Variants in ANKRD30B observed in about 807,000 individuals in gnomAD.
ANKRD30B encodes the protein ankyrin repeat domain-containing protein 30B.
A neutral mutation model predicts 202.2 loss-of-function variants in ANKRD30B; 144 were observed. That is an observed-to-expected ratio of 0.71 (90% CI 0.62 to 0.82). The LOEUF (loss-of-function observed/expected upper bound fraction) is 0.82. ANKRD30B is among the 40% of genes least tolerant of loss of function. The pLI is 0.00. For missense variants in ANKRD30B, 1,487 were observed against 1,669.1 expected, an observed-to-expected ratio of 0.89 and a Z score of 1.90; for synonymous variants, 508 against 561.3, an observed-to-expected ratio of 0.91 and a Z score of 1.34.
intron 3 of ANKRD30B, 122 bp downstream of exon 3, chr18:14,753,134 C>A: frequency 1.3e-6 from 1 of 763,888 alleles, no homozygotes; most frequent in Non-Finnish European, 1.9e-6. Context: ...TTTGAAAGAA[C>A]TTAATTATCT....
chr18:14,798,430 T>C (rs1969072477), intron 20 of ANKRD30B, among the ~76,000 whole-genome samples: 1 of 152,058 alleles, frequency 6.6e-6, no homozygotes, highest in African/African-American at 2.4e-5. Flanking sequence ...AGAAACACAG[T>C]CTTTCCATAA....
chr18:14,751,725 A>G (rs1473771214), intron 1 of ANKRD30B, among the ~76,000 whole-genome samples: 1 of 152,142 alleles, frequency 6.6e-6, no homozygotes, highest in Non-Finnish European at 1.5e-5. Context: ...AAGTTTTTAA[A>G]ATCTTGAGGA....
chr18:14,764,068 A>G lies in ANKRD30B; in HGVS notation c.1203A>G (p.Thr401=), dbSNP rs1350517257. 3.3e-6 allele frequency: 5 copies of G among 1,536,512 alleles called. No homozygotes were observed. The highest frequency in any genetic ancestry group is 4.4e-6 in the Non-Finnish European group (5 of 1,148,378). Residue 401 remains threonine (T), a synonymous_variant, in exon 7 of 44, where the codon ACA becomes ACG. Coordinates refer to ENST00000690538, the MANE Select transcript of ANKRD30B (RefSeq NM_001367607.2). ...TGATTGCATGTCCTACAAAAGAAAC[A>G]TCTACAAAAGCAAGTACAAATGGTA... The part of the protein sequence containing the change: ...SNMIACPTKE[T]STKASTNVDV...
At chr18:14,798,755 G>A (rs559648188) in intron 20 of ANKRD30B, among the ~76,000 whole-genome samples, 2 of 152,108 alleles carry the variant, frequency 1.3e-5, no homozygotes, top group Non-Finnish European at 2.9e-5. Context: ...AAACCTCCCT[G>A]ACGGCACATC....
At chr18:14,793,647 C>T (rs1968673946) in intron 16 of ANKRD30B, among the ~76,000 whole-genome samples, 1 of 152,088 alleles carries the variant, frequency 6.6e-6, no homozygotes, top group Admixed American at 6.5e-5. Context: ...GTAATCCCAG[C>T]ACTTTGGGAG....
chr18:14,847,072 A>C (rs1313134149), intron 39 of ANKRD30B, among the ~76,000 whole-genome samples: 1 of 34,130 alleles, frequency 2.9e-5, no homozygotes, highest in African/African-American at 9.9e-5. Flanking sequence ...ATATATATAT[A>C]TATATATATA....
rs556050170 is a variant in ANKRD30B, at chr18:14,789,004, C to G, written c.1734+1904C>G. On this transcript the variant is annotated intron_variant, in intron 15 of 43. Transcript: ENST00000690538. ...CACAATGGTTGAACTAGTTTACAGT[C>G]CCACCAACAGTGTAAAAGTGTTCCT... 5.3e-5 allele frequency among the ~76,000 whole-genome samples: 8 copies of G among 151,976 alleles called. No individual in the cohort carries two copies. The East Asian group carries it at 1.6e-3, about 30-fold the overall frequency.
the ANKRD30B span, among the ~76,000 whole-genome samples, chr18:14,907,416 G>A: frequency 6.6e-6 from 1 of 152,192 alleles, no homozygotes; most frequent in South Asian, 2.1e-4. Flanking sequence ...AAGAAAGTGG[G>A]TCTGAGATTG....
chr18:14,853,184 T>C (rs2143282748), intron 42 of ANKRD30B, among the ~76,000 whole-genome samples: 1 of 152,174 alleles, frequency 6.6e-6, no homozygotes, highest in African/African-American at 2.4e-5. Context: ...AAAACTATCA[T>C]GTGGATAGAA....
chr18:14,760,868 A>G (rs1169881846), intron 6 of ANKRD30B, among the ~76,000 whole-genome samples: 1 of 152,128 alleles, frequency 6.6e-6, no homozygotes, highest in Non-Finnish European at 1.5e-5. Flanking sequence ...CTGAAAAAAT[A>G]TTTAATTATG....
intron 40 of ANKRD30B, among the ~76,000 whole-genome samples, chr18:14,849,220 A>G (rs1971783863): frequency 6.6e-6 from 1 of 151,918 alleles, no homozygotes; most frequent in African/African-American, 2.4e-5. Context: ...TTGTATTATA[A>G]ATGCTACAAG....
At chr18:14,749,986 A>G (rs1913170120) in intron 1 of ANKRD30B, among the ~76,000 whole-genome samples, 1 of 152,064 alleles carries the variant, frequency 6.6e-6, no homozygotes, top group Non-Finnish European at 1.5e-5. Context: ...TAATATACAA[A>G]AAGATAAAAA....
chr18:14,823,622 C>G (rs1273970808), intron 32 of ANKRD30B, among the ~76,000 whole-genome samples: 1 of 152,030 alleles, frequency 6.6e-6, no homozygotes, highest in East Asian at 1.9e-4. Context: ...AATTAATTGC[C>G]TAGAGGTACA....
intron 14 of ANKRD30B, among the ~76,000 whole-genome samples, chr18:14,784,865 A>T (rs1171373036): frequency 2.6e-5 from 4 of 152,182 alleles, no homozygotes; most frequent in African/African-American, 9.6e-5. Flanking sequence ...TTGAAGCTTG[A>T]TTCAGATTCC....
chr18:14,840,538 A>T (rs1971373658), intron 36 of ANKRD30B, 50 bp from the exon 37 acceptor site: 2 of 1,044,822 alleles, frequency 1.9e-6, no homozygotes, highest in Non-Finnish European at 2.5e-6. Flanking sequence ...GAAAAACAAA[A>T]TTAAAAAATA....
the ANKRD30B span, among the ~76,000 whole-genome samples, chr18:14,939,144 T>G: frequency 6.6e-6 from 1 of 152,236 alleles, no homozygotes; most frequent in Non-Finnish European, 1.5e-5. Context: ...GGTTCTGTGC[T>G]TTGCCCAAGT....
In ANKRD30B at chr18:14,763,909, G is replaced by T; in HGVS notation, c.1044G>T (p.Glu348Asp). Reference sequence around the variant, plus strand: ...TGAGGCCTACAAAAGAAACATCTGAGAAATTTTCATGGCCAGCAAAAGAAA... The same window carrying T: ...TGAGGCCTACAAAAGAAACATCTGATAAATTTTCATGGCCAGCAAAAGAAA... ...KILRPTKETSEKFSWPAKERS... is the reference protein window; with the variant it reads ...KILRPTKETSDKFSWPAKERS... The change falls in exon 7 of 44, where the codon GAG (glutamate) becomes GAT (aspartate). Residue 348 changes from glutamate (E) to aspartate (D), a missense_variant. Glu to Asp is a conservative substitution (Grantham distance 45). Coordinates refer to ENST00000690538, the MANE Select transcript of ANKRD30B (RefSeq NM_001367607.2). 1 of 1,611,632 alleles carries T rather than the reference G, an allele frequency of 6.2e-7. No homozygotes were observed. The highest frequency in any genetic ancestry group is 1.7e-5 in the Admixed American group (1 of 59,720).
intron 22 of ANKRD30B, among the ~76,000 whole-genome samples, chr18:14,800,833 T>G (rs1969260507): frequency 2.2e-5 from 1 of 45,890 alleles, no homozygotes; most frequent in African/African-American, 8.7e-5. Flanking sequence ...CATTATAATT[T>G]TTAGAGACGT....
intron 16 of ANKRD30B, among the ~76,000 whole-genome samples, chr18:14,795,896 G>A (rs1219563894): frequency 3.3e-5 from 5 of 150,944 alleles, no homozygotes; most frequent in East Asian, 1.9e-4. Flanking sequence ...GGTCATCTTA[G>A]TAAATTCAAC....
Sources: allele counts gnomAD v4.1 joint callset (sites outside exome capture counted in the v4.1 genomes callset), GRCh38; gene constraint gnomAD v4.1.1; transcripts MANE v1.5; gene names NCBI Gene and HGNC (gene_info 2026-07-23, HGNC 2026-07-21).